The following ADGRE1 variants were observed in gnomAD, a reference collection of about 807,000 sequenced individuals.
ADGRE1 encodes EGF-like module receptor 1.
A neutral mutation model predicts 102.7 loss-of-function variants in ADGRE1; 82 were observed. That is an observed-to-expected ratio of 0.80 (90% CI 0.67 to 0.96). The LOEUF (loss-of-function observed/expected upper bound fraction) is 0.96, where lower values mean the gene tolerates loss of function less well. ADGRE1 is among the 40% of genes least tolerant of loss of function. The probability of loss-of-function intolerance (pLI) is 0.00; values close to 1 mark genes in which losing one functional copy is unlikely to be tolerated. For missense variants in ADGRE1, 1,032 were observed against 1,085.3 expected, an observed-to-expected ratio of 0.95 and a Z score of 0.69; for synonymous variants, 398 against 399.6, an observed-to-expected ratio of 1.00 and a Z score of 0.05.
rs534793797 is a variant in ADGRE1 at position 6,918,179 on chromosome 19, C to T, written c.1421-1369C>T. ...AGAGAGCCAGGCATGGTGGCTCACGCCTGTAATCCCAGCACTTTGGGAGGC... is the reference window on the plus strand; with the variant it reads ...AGAGAGCCAGGCATGGTGGCTCACGTCTGTAATCCCAGCACTTTGGGAGGC... On this transcript the variant is annotated intron_variant, in intron 12 of 20. Coordinates refer to ENST00000312053, the MANE Select transcript of ADGRE1 (RefSeq NM_001974.5). Among the ~76,000 whole-genome samples, 91 of 152,320 alleles carry T rather than the reference C, an allele frequency of 6.0e-4. 3 individuals carry two copies. In the South Asian group the frequency reaches 0.019, roughly 31 times the overall value.
chr19:6,889,271 G>C (rs562557144), intron 1 of ADGRE1, among the ~76,000 whole-genome samples: 97 of 150,460 alleles, frequency 6.4e-4, no homozygotes, highest in African/African-American at 2.3e-3. Flanking sequence ...GGTGATGATG[G>C]TGATAATAAT....
intron 13 of ADGRE1, among the ~76,000 whole-genome samples, chr19:6,920,028 A>G (rs966457940): frequency 3.9e-5 from 6 of 152,190 alleles, no homozygotes; most frequent in African/African-American, 1.4e-4. Context: ...CTGCCAAGCA[A>G]GGAGACAAGA....
At chr19:6,912,377 T>C (rs1445993411) in intron 10 of ADGRE1, among the ~76,000 whole-genome samples, 1 of 152,194 alleles carries the variant, frequency 6.6e-6, no homozygotes, top group Non-Finnish European at 1.5e-5. Context: ...TAGATATGAG[T>C]CCTTGTTTCT....
chr19:6,904,640 G>A (rs1285881040), intron 8 of ADGRE1, among the ~76,000 whole-genome samples: 1 of 151,736 alleles, frequency 6.6e-6, no homozygotes, highest in Non-Finnish European at 1.5e-5. Context: ...TGAGTAGCTG[G>A]GACTACAGGC....
At chr19:6,918,004 T>C (rs1974465134) in intron 12 of ADGRE1, among the ~76,000 whole-genome samples, 3 of 152,032 alleles carry the variant, frequency 2.0e-5, no homozygotes, top group Admixed American at 2.0e-4. Context: ...CTAAGGCTAA[T>C]TAGAAGGGAG....
chr19:6,897,051 G>A, intron 3 of ADGRE1, 98 bp from the exon 4 acceptor site: 1 of 1,243,556 alleles, frequency 8.0e-7, no homozygotes, highest in South Asian at 1.6e-5. Context: ...GTGCATATGG[G>A]ATGGGAGATA....
chr19:6,924,906 C>A, intron 15 of ADGRE1, 34 bp downstream of exon 15: 1 of 1,604,118 alleles, frequency 6.2e-7, no homozygotes, highest in Non-Finnish European at 8.5e-7. Flanking sequence ...CCCACCAAGC[C>A]CCATCTTCTC....
chr19:6,903,564 GGAGGA>G (rs1436438999), intron 6 of ADGRE1, among the ~76,000 whole-genome samples: 2 of 152,108 alleles, frequency 1.3e-5, no homozygotes, highest in Non-Finnish European at 2.9e-5. Context: ...GGTGAAAGAG[GGAGGA>G]GAGAAGTCAC....
chr19:6,897,781 AAT>A, intron 5 of ADGRE1: 1 of 296,874 alleles, frequency 3.4e-6, no homozygotes, highest in Non-Finnish European at 6.0e-6. Context: ...CTTTTTAAAA[AAT>A]TTTTTATCTG....
intron 16 of ADGRE1, 40 bp downstream of exon 16, chr19:6,926,641 A>G (rs766772669): frequency 6.2e-7 from 1 of 1,600,590 alleles, no homozygotes; most frequent in Admixed American, 1.7e-5. Context: ...CCCTGCTGCC[A>G]GGGCTTATGG....
chr19:6,890,921 A>G (rs561683405), intron 2 of ADGRE1, among the ~76,000 whole-genome samples: 3 of 152,140 alleles, frequency 2.0e-5, no homozygotes, highest in Non-Finnish European at 2.9e-5. Context: ...CTACAACTCA[A>G]TGTGCAAAAA....
intron 16 of ADGRE1, 130 bp downstream of exon 16, chr19:6,926,731 T>C (rs1974928376): frequency 2.2e-6 from 2 of 908,650 alleles, no homozygotes; most frequent in Admixed American, 2.3e-5. Flanking sequence ...TTCTATTATG[T>C]ACTATTGGTT....
intron 16 of ADGRE1, among the ~76,000 whole-genome samples, chr19:6,927,277 TCCTTC>T (rs1377207339): frequency 1.0e-5 from 1 of 95,818 alleles, no homozygotes; most frequent in African/African-American, 4.5e-5. Flanking sequence ...TTCCTTGCCT[TCCTTC>T]CCTTCCCTCC....
intron 5 of ADGRE1, among the ~76,000 whole-genome samples, chr19:6,898,881 C>G (rs183314398): frequency 6.6e-6 from 1 of 152,198 alleles, no homozygotes; most frequent in Admixed American, 6.5e-5. Context: ...TTAGGTAGGT[C>G]TCTTGTAGGC....
At chr19:6,888,238 A>T (rs751337193) in intron 1 of ADGRE1, among the ~76,000 whole-genome samples, 3 of 152,200 alleles carry the variant, frequency 2.0e-5, no homozygotes, top group African/African-American at 7.2e-5. Context: ...ATAAGTAAAC[A>T]TAGGAATTTC....
In ADGRE1 at chr19:6,924,781, A is replaced by G. The variant is rs369046445; in HGVS notation, c.1895A>G (p.Asn632Ser). Reference protein sequence around the residue: ...ATFLLCRSIRNHNTYLHLHLC... With the variant: ...ATFLLCRSIRSHNTYLHLHLC... ...TTTCTGCTGTGTCGCTCCATCCGAA[A>G]TCACAACACCTACCTCCACCTGCAC... The change falls in exon 15 of 21, where the codon AAT becomes AGT. Residue 632 changes from asparagine to serine, a missense_variant. Asn to Ser is a conservative substitution (Grantham distance 46). Transcript: ENST00000312053. The G allele has an allele frequency of 6.8e-6, 11 of 1,613,922 alleles. No individual in the cohort carries two copies. In the African/African-American group the frequency reaches 1.3e-4, roughly 20 times the overall value.
Position 6,902,256 on chromosome 19 carries a change from G to A in ADGRE1, c.661+235G>A, listed in dbSNP as rs368836909. Reference sequence around the variant, plus strand: ...CATCTCCAAATAACATCCCACTGGGGCTTAGGGCTTCCATATAGGAATTTG... The same window carrying A: ...CATCTCCAAATAACATCCCACTGGGACTTAGGGCTTCCATATAGGAATTTG... On this transcript the variant is annotated intron_variant, in intron 6 of 20. Transcript: ENST00000312053. Among the ~76,000 whole-genome samples, 10 of 152,204 alleles carry A rather than the reference G, an allele frequency of 6.6e-5. No homozygotes were observed. The East Asian group carries it at 7.7e-4, about 12-fold the overall frequency.
rs3053967 is a variant in ADGRE1 at position 6,920,516 on chromosome 19, C to CTTTTTTTTT, written c.1620+785_1620+793dup. Among the ~76,000 whole-genome samples, 65 of 75,740 alleles carry CTTTTTTTTT rather than the reference C, an allele frequency of 8.6e-4. 5 individuals are homozygous for CTTTTTTTTT. The highest frequency in any genetic ancestry group is 2.2e-3 in the East Asian group (3 of 1,352). 49.7% of individuals were successfully genotyped at this position (75,740 alleles called of 152,430 possible). A position where few individuals can be genotyped will look rare whatever the true frequency, so the allele number is the denominator to read the frequency against. ...TTACAGGCATGAACCACCATGCCCG[C>CTTTTTTTTT]TTTTTTTTTTTTTTTTTTTTTTTTG... On this transcript the variant is annotated intron_variant, in intron 13 of 20. Coordinates refer to ENST00000312053, the MANE Select transcript of ADGRE1 (RefSeq NM_001974.5).
chr19:6,890,355 C>A, intron 1 of ADGRE1, 126 bp from the exon 2 acceptor site: 1 of 807,590 alleles, frequency 1.2e-6, no homozygotes, highest in Non-Finnish European at 1.9e-6. Context: ...GGTTTGTCAT[C>A]TAGCCTCTTC....
Sources: gnomAD v4.1 joint callset for allele counts (sites outside exome capture counted in the v4.1 genomes callset) on GRCh38, gnomAD v4.1.1 for gene constraint, MANE v1.5 for transcripts, NCBI Gene and HGNC (gene_info 2026-07-23, HGNC 2026-07-21) for gene names.